The following CUBN variants were observed in gnomAD, a reference collection of about 807,000 sequenced individuals.
CUBN encodes the protein cubilin.
CUBN carries 282 observed loss-of-function variants against 405.3 expected under a neutral mutation model. The ratio of observed to expected loss-of-function variants is 0.70; its 90% CI spans 0.63 to 0.77. CUBN has a LOEUF of 0.77. CUBN is among the 30% of genes least tolerant of loss of function. The pLI is 0.00. For missense variants in CUBN, 4,514 were observed against 4,475.2 expected (o/e 1.01, Z -0.25); for synonymous variants, 1,684 against 1,617.0 (o/e 1.04, Z -0.99).
At chr10:17,016,166 C>T (rs949545359) in intron 28 of CUBN, among the ~76,000 whole-genome samples, 2 of 151,716 alleles carry the variant, frequency 1.3e-5, no homozygotes, top group African/African-American at 4.8e-5. Flanking sequence ...CTCCCATAGC[C>T]ACTTGAGGAA....
intron 50 of CUBN, among the ~76,000 whole-genome samples, chr10:16,904,840 GA>G (rs1173785432): frequency 6.6e-6 from 1 of 152,218 alleles, no homozygotes; most frequent in East Asian, 1.9e-4. Flanking sequence ...CGGTGGTTTT[GA>G]AACAGGCAGA....
chr10:17,084,879 C>T (rs10508520), intron 16 of CUBN, among the ~76,000 whole-genome samples: 20,782 of 151,820 alleles, frequency 0.14, 2,558 homozygotes, highest in African/African-American at 0.33. Flanking sequence ...TTGATTTGCA[C>T]GGAAAACAAT....
intron 19 of CUBN, among the ~76,000 whole-genome samples, chr10:17,069,702 C>T (rs889232732): frequency 2.0e-5 from 3 of 152,088 alleles, no homozygotes; most frequent in African/African-American, 7.2e-5. Flanking sequence ...TATTACCACA[C>T]TCAGCTATTT....
intron 32 of CUBN, among the ~76,000 whole-genome samples, chr10:16,953,176 G>A (rs538847872): frequency 4.9e-4 from 74 of 152,308 alleles, no homozygotes; most frequent in African/African-American, 1.7e-3. Flanking sequence ...GAGAGATGGG[G>A]TAAGGGTAGG....
chr10:16,961,743 G>A (rs1395329285), intron 31 of CUBN, among the ~76,000 whole-genome samples: 2 of 112,854 alleles, frequency 1.8e-5, no homozygotes, highest in South Asian at 2.9e-4. Flanking sequence ...ACGGAGTCTC[G>A]CTCTGTGGCC....
chr10:16,858,262 T>C (rs1005318880), intron 59 of CUBN, among the ~76,000 whole-genome samples: 1 of 152,240 alleles, frequency 6.6e-6, no homozygotes, highest in Non-Finnish European at 1.5e-5. Context: ...GCAATTCCTA[T>C]AAAAATCTCA....
At chr10:17,074,292 T>C (rs1835804275) in intron 17 of CUBN, among the ~76,000 whole-genome samples, 1 of 152,160 alleles carries the variant, frequency 6.6e-6, no homozygotes. Context: ...GACCACAATC[T>C]AGCATTTGGG....
At chr10:17,039,970 TG>T (rs1478582767) in intron 27 of CUBN, among the ~76,000 whole-genome samples, 3 of 152,220 alleles carry the variant, frequency 2.0e-5, no homozygotes, top group African/African-American at 7.2e-5. Context: ...AAGTGCTATT[TG>T]GAAAATATAT....
rs371218712 is a variant in CUBN at position 16,927,741 on chromosome 10, C to A, written c.6271+416G>T. Among the ~76,000 whole-genome samples, 10 of 152,318 alleles carry A rather than the reference C, an allele frequency of 6.6e-5. No homozygotes were observed. The South Asian group carries it at 2.1e-3, about 32-fold the overall frequency. The stretch of plus-strand genomic sequence containing the variant: ...AAGAGCAACAAACTCTTCCTGCCAA[C>A]CCTCAGATGGCTGACTTCAACCAAG... On this transcript the variant is annotated intron_variant, in intron 41 of 66. Transcript: ENST00000377833.
intron 28 of CUBN, among the ~76,000 whole-genome samples, chr10:16,997,162 G>A (rs1197908337): frequency 2.0e-5 from 3 of 152,164 alleles, no homozygotes; most frequent in Non-Finnish European, 2.9e-5. Flanking sequence ...TGGGCTGGGC[G>A]CAGTGGCTCA....
chr10:16,877,106 G>T lies in CUBN; in HGVS notation c.8906-9C>A. On this transcript the variant is annotated splice_polypyrimidine_tract_variant and intron_variant, in intron 56 of 66. Coordinates refer to ENST00000377833, the MANE Select transcript of CUBN (RefSeq NM_001081.4). ...CGTCACAGCGGAACGAGCTGGAAAA[G>T]GCATGGAACAACCGCATTATGATCA... 2 of 1,611,180 alleles carry T rather than the reference G, an allele frequency of 1.2e-6. No individual in the cohort carries two copies. The highest frequency in any genetic ancestry group is 1.7e-6 in the Non-Finnish European group (2 of 1,178,580).
At chr10:17,128,064 A>G in intron 2 of CUBN, 140 bp from the exon 3 acceptor site, 1 of 602,256 alleles carries the variant, frequency 1.7e-6, no homozygotes, top group East Asian at 2.8e-5. Context: ...AACCAAAACA[A>G]CACCATGCGT....
chr10:17,106,158 G>A (rs192426283), intron 10 of CUBN, among the ~76,000 whole-genome samples: 346 of 151,942 alleles, frequency 2.3e-3, no homozygotes, highest in African/African-American at 7.6e-3. Flanking sequence ...GGTGGCACAC[G>A]CCTGTAATCC....
At chr10:16,874,582 C>A (rs1309525749) in intron 57 of CUBN, 79 bp from the exon 58 acceptor site, 8 of 1,546,230 alleles carry the variant, frequency 5.2e-6, no homozygotes, top group Non-Finnish European at 7.1e-6. Context: ...AGATTCTATA[C>A]TATTGTACAT....
At chr10:16,975,350 T>C (rs928844651) in intron 31 of CUBN, among the ~76,000 whole-genome samples, 3 of 152,248 alleles carry the variant, frequency 2.0e-5, no homozygotes, top group African/African-American at 7.2e-5. Flanking sequence ...GCAGTGTTCA[T>C]AGAAAACCTT....
At chr10:16,874,579 A>G (rs1429010278) in intron 57 of CUBN, 76 bp from the exon 58 acceptor site, 4 of 1,552,402 alleles carry the variant, frequency 2.6e-6, no homozygotes, top group Non-Finnish European at 1.8e-6. Context: ...AAGAGATTCT[A>G]TACTATTGTA....
chr10:16,850,975 T>C (rs1839668178), intron 60 of CUBN, among the ~76,000 whole-genome samples: 4 of 152,188 alleles, frequency 2.6e-5, no homozygotes, highest in South Asian at 2.1e-4. Flanking sequence ...TTGCAAGACA[T>C]TGATGAATAG....
chr10:16,843,293 G>A (rs1359502973), intron 60 of CUBN, among the ~76,000 whole-genome samples: 1 of 152,202 alleles, frequency 6.6e-6, no homozygotes, highest in Non-Finnish European at 1.5e-5. Flanking sequence ...TCTAAAATGA[G>A]TGTCTGTGTG....
At chr10:17,051,435 T>C (rs1835265621) in intron 22 of CUBN, among the ~76,000 whole-genome samples, 1 of 151,954 alleles carries the variant, frequency 6.6e-6, no homozygotes, top group Admixed American at 6.6e-5. Context: ...AAGAAAAATG[T>C]GGTCATAGTT....
Sources: gnomAD v4.1 joint callset for allele counts (sites outside exome capture counted in the v4.1 genomes callset) on GRCh38, gnomAD v4.1.1 for gene constraint, MANE v1.5 for transcripts, NCBI Gene and HGNC (gene_info 2026-07-23, HGNC 2026-07-21) for gene names.